MBOAT1: variants seen among roughly 807,000 people sequenced by gnomAD.
MBOAT1 encodes membrane-bound glycerophospholipid O-acyltransferase 1.
Under a neutral mutation model 64.4 loss-of-function variants are expected in MBOAT1, and 67 were observed. The observed-to-expected ratio is 1.04, with a 90% confidence interval of 0.85 to 1.27. The LOEUF is 1.27. MBOAT1 is among the 50% of genes most tolerant of loss of function. MBOAT1 has a pLI of 0.00. For missense variants in MBOAT1, 563 were observed against 604.6 expected, an observed-to-expected ratio of 0.93 and a Z score of 0.72; for synonymous variants, 229 against 218.9, an observed-to-expected ratio of 1.05 and a Z score of -0.41.
intron 7 of MBOAT1, 34 bp downstream of exon 7, chr6:20,126,483 G>A: frequency 1.9e-6 from 3 of 1,559,242 alleles, no homozygotes; most frequent in Non-Finnish European, 2.6e-6. Flanking sequence ...AACCCTGGCA[G>A]CAAAACCCTA....
At chr6:20,147,104 T>C (rs1191981557) in intron 3 of MBOAT1, among the ~76,000 whole-genome samples, 1 of 152,234 alleles carries the variant, frequency 6.6e-6, no homozygotes, top group Non-Finnish European at 1.5e-5. Context: ...CCTGCTGCCA[T>C]GTAAGACATG....
At chr6:20,128,599 T>C (rs2113655639) in intron 6 of MBOAT1, 100 bp downstream of exon 6, 2 of 786,406 alleles carry the variant, frequency 2.5e-6, no homozygotes, top group South Asian at 3.9e-5. Flanking sequence ...TGATATTATA[T>C]CCATAGAACA....
intron 1 of MBOAT1, among the ~76,000 whole-genome samples, chr6:20,159,076 C>A (rs1271562418): frequency 6.6e-6 from 1 of 152,102 alleles, no homozygotes; most frequent in Non-Finnish European, 1.5e-5. Flanking sequence ...TGGGTATATG[C>A]CCGAGGAAAC....
In MBOAT1 at chr6:20,109,684, G is replaced by T. The variant is rs910973667; in HGVS notation, c.1275C>A (p.Gly425=). 4.3e-6 allele frequency: 7 copies of T among 1,614,034 alleles called. No individual in the cohort carries two copies. Among genetic ancestry groups the T allele is most frequent in the African/African-American group, 4.0e-5 (3 of 74,928 alleles). ...CAGCCAGCTGAGTGACGGCCCAGGT[G>T]CCTGCATCATACACAGCCTTGAGAG... ...SRALKAVYDA[G]TWAVTQLAVS... is the part of the protein sequence containing the mutation. The change falls in exon 12 of 13, where the codon GGC becomes GGA. Residue 425 remains glycine (G), a synonymous_variant. Transcript: ENST00000324607.
At chr6:20,193,074 C>T (rs974834812) in intron 1 of MBOAT1, among the ~76,000 whole-genome samples, 4 of 125,840 alleles carry the variant, frequency 3.2e-5, no homozygotes, top group Non-Finnish European at 6.3e-5. Flanking sequence ...GGCGAGATCT[C>T]GGCTCACTGC....
At chr6:20,172,208 G>A (rs911612158) in intron 1 of MBOAT1, among the ~76,000 whole-genome samples, 1 of 152,150 alleles carries the variant, frequency 6.6e-6, no homozygotes, top group Admixed American at 6.5e-5. Flanking sequence ...GCTGAGGCAG[G>A]CGGATCACGA....
intron 8 of MBOAT1, among the ~76,000 whole-genome samples, chr6:20,119,878 G>T (rs779340854): frequency 6.6e-6 from 1 of 152,124 alleles, no homozygotes; most frequent in African/African-American, 2.4e-5. Context: ...CAGGCTGACC[G>T]TCACTGGGAC....
chr6:20,147,783 T>C (rs1462468260), intron 3 of MBOAT1, among the ~76,000 whole-genome samples: 1 of 152,206 alleles, frequency 6.6e-6, no homozygotes, highest in Non-Finnish European at 1.5e-5. Flanking sequence ...CTATATTCCA[T>C]AGTGTTGTCC....
At chr6:20,131,818 T>C (rs1760838717) in intron 4 of MBOAT1, among the ~76,000 whole-genome samples, 1 of 152,230 alleles carries the variant, frequency 6.6e-6, no homozygotes, top group South Asian at 2.1e-4. Context: ...TTACTTGGTG[T>C]AGCTCCTGGA....
At chr6:20,113,641 T>C (rs1391140525) in intron 10 of MBOAT1, among the ~76,000 whole-genome samples, 1 of 152,002 alleles carries the variant, frequency 6.6e-6, no homozygotes, top group Non-Finnish European at 1.5e-5. Context: ...TGTGACAATC[T>C]AGCAAATGTC....
At position 20,212,326 on chromosome 6, in the gene MBOAT1, C is replaced by T; in HGVS notation, c.-92G>A. On this transcript the variant is annotated 5_prime_UTR_variant, in exon 1 of 13. Coordinates refer to ENST00000324607, the MANE Select transcript of MBOAT1 (RefSeq NM_001080480.3). ...CCCGGGTGCTCTTGGGTGGTTGCCC[C>T]GAGAGGCGCACGGCCGCCTGGTTCG... The T allele has an allele frequency of 8.2e-7, 1 of 1,215,050 alleles. No homozygotes were observed. Among genetic ancestry groups the T allele is most frequent in the East Asian group, 2.5e-5 (1 of 39,726 alleles). The allele number at this position is 1,215,050 out of a possible 1,614,324, so 75.3% of individuals were successfully genotyped here.
chr6:20,203,541 CTTAA>C (rs1763179070), intron 1 of MBOAT1, among the ~76,000 whole-genome samples: 1 of 152,174 alleles, frequency 6.6e-6, no homozygotes. Flanking sequence ...CCAATTTTAT[CTTAA>C]TTAAGTCATT....
chr6:20,111,859 C>CGTATATATACATATATAT (rs1371697719), intron 11 of MBOAT1, among the ~76,000 whole-genome samples: 1 of 108,640 alleles, frequency 9.2e-6, no homozygotes, highest in African/African-American at 4.2e-5. Context: ...TATATATATA[C>CGTATATATACATATATAT]ATATATATAC....
At chr6:20,188,098 G>C (rs1684101120) in intron 1 of MBOAT1, among the ~76,000 whole-genome samples, 1 of 152,202 alleles carries the variant, frequency 6.6e-6, no homozygotes, top group Admixed American at 6.5e-5. Context: ...CGAACTACAA[G>C]GGCATCTAAC....
intron 7 of MBOAT1, chr6:20,125,919 T>C (rs1760636182): frequency 2.3e-6 from 1 of 434,064 alleles, no homozygotes; most frequent in Non-Finnish European, 4.5e-6. Flanking sequence ...AAATATAGGA[T>C]ATTTGACCTG....
intron 1 of MBOAT1, among the ~76,000 whole-genome samples, chr6:20,153,102 G>C (rs1417496193): frequency 6.6e-6 from 1 of 152,184 alleles, no homozygotes; most frequent in Non-Finnish European, 1.5e-5. Context: ...CCAAAGTGCT[G>C]GGATTACAGG....
intron 1 of MBOAT1, among the ~76,000 whole-genome samples, chr6:20,206,007 CT>C (rs1157660877): frequency 6.6e-6 from 1 of 152,122 alleles, no homozygotes; most frequent in Non-Finnish European, 1.5e-5. Flanking sequence ...TAACTTCCTT[CT>C]CCCCCTCCTG....
intron 4 of MBOAT1, among the ~76,000 whole-genome samples, chr6:20,139,546 CTTTTTTTTTT>C (rs70990010): frequency 4.3e-5 from 3 of 69,220 alleles, no homozygotes; most frequent in South Asian, 1.4e-3. Flanking sequence ...ACATTTTAAC[CTTTTTTTTTT>C]TTTTTTTTTT....
At chr6:20,103,020 T>C (rs1279831272) in intron 12 of MBOAT1, among the ~76,000 whole-genome samples, 1 of 152,222 alleles carries the variant, frequency 6.6e-6, no homozygotes, top group African/African-American at 2.4e-5. Flanking sequence ...TGACAATGAA[T>C]GATTATGTAA....
Sources: allele counts gnomAD v4.1 joint callset (sites outside exome capture counted in the v4.1 genomes callset), GRCh38; gene constraint gnomAD v4.1.1; transcripts MANE v1.5; gene names NCBI Gene and HGNC (gene_info 2026-07-23, HGNC 2026-07-21).